Variants in DLC1 observed in about 807,000 individuals in gnomAD.
DLC1 encodes DLC1 Rho GTPase activating protein, also known as rho GTPase-activating protein 7.
In DLC1, 54 loss-of-function variants were observed where a neutral mutation model predicts 140.3. That is an observed-to-expected ratio of 0.38 (90% CI 0.31 to 0.48). The LOEUF (loss-of-function observed/expected upper bound fraction) is 0.48, where lower values mean the gene tolerates loss of function less well. Among genes scored for constraint, DLC1 ranks in the 20% least tolerant of loss-of-function variants. DLC1 has a pLI of 0.96. For missense variants in DLC1, 2,536 were observed against 1,907.0 expected, an observed-to-expected ratio of 1.33 and a Z score of -6.14; for synonymous variants, 986 against 728.1, an observed-to-expected ratio of 1.35 and a Z score of -5.70.
At chr8:13,505,963 C>G (rs554027781) in intron 1 of DLC1, among the ~76,000 whole-genome samples, 9 of 152,196 alleles carry the variant, frequency 5.9e-5, no homozygotes, top group African/African-American at 2.2e-4. Context: ...ATCCCTCACT[C>G]ACAGTACTTG....
rs2280335 is a variant in DLC1 at position 13,102,772 on chromosome 8, T to C, written c.1566+18A>G. The C allele has an allele frequency of 0.47, 749,337 of 1,606,534 alleles. 183,640 individuals carry two copies. The highest frequency in any genetic ancestry group is 0.53 in the Middle Eastern group (3,191 of 6,040). On this transcript the variant is annotated intron_variant, in intron 8 of 17. Transcript: ENST00000276297. ...GCCCCTTTTCCCCCTCATTCTATTA[T>C]GCAATTTGTATACTCACTCGTTTCC...
At chr8:13,258,678 A>G (rs1586020630) in intron 5 of DLC1, among the ~76,000 whole-genome samples, 1 of 152,330 alleles carries the variant, frequency 6.6e-6, no homozygotes, top group Admixed American at 6.5e-5. Flanking sequence ...CAAAGTATCA[A>G]TGGCCTATGT....
intron 1 of DLC1, among the ~76,000 whole-genome samples, chr8:13,569,756 C>G (rs1267175295): frequency 2.6e-5 from 4 of 152,214 alleles, no homozygotes; most frequent in Non-Finnish European, 4.4e-5. Flanking sequence ...GGGTCTGGCT[C>G]TATCACCCAG....
chr8:13,314,013 A>T (rs1232699160), intron 4 of DLC1, among the ~76,000 whole-genome samples: 1 of 152,094 alleles, frequency 6.6e-6, no homozygotes, highest in Non-Finnish European at 1.5e-5. Context: ...ACCTGAGGGC[A>T]TAAGTGGAAG....
chr8:13,482,235 C>T (rs1800770145), intron 2 of DLC1, among the ~76,000 whole-genome samples: 1 of 152,078 alleles, frequency 6.6e-6, no homozygotes, highest in Non-Finnish European at 1.5e-5. Context: ...GAAGTAATAT[C>T]ATTAATTAAT....
rs190482662 is a variant in DLC1 at position 13,162,511 on chromosome 8, C to T, written c.1349-46854G>A. Reference sequence around the variant, plus strand: ...CTAATTTTTATATTTTTAGTAGAGACGGGGTTTCACCATGTTGGCCAGGCT... The same window carrying T: ...CTAATTTTTATATTTTTAGTAGAGATGGGGTTTCACCATGTTGGCCAGGCT... On this transcript the variant is annotated intron_variant, in intron 5 of 17. Transcript: ENST00000276297. Among the ~76,000 whole-genome samples, 493 of 152,244 alleles carry T rather than the reference C, an allele frequency of 3.2e-3. 4 individuals carry two copies. Among genetic ancestry groups the T allele is most frequent in the African/African-American group, 0.011 (465 of 41,560 alleles).
At chr8:13,114,114 C>A (rs965242620) in intron 6 of DLC1, among the ~76,000 whole-genome samples, 3 of 152,230 alleles carry the variant, frequency 2.0e-5, no homozygotes, top group Non-Finnish European at 4.4e-5. Context: ...GTAATCCCAG[C>A]ACTTTGGGAG....
intron 5 of DLC1, among the ~76,000 whole-genome samples, chr8:13,211,457 A>T (rs1473655627): frequency 1.3e-5 from 2 of 152,164 alleles, no homozygotes; most frequent in African/African-American, 4.8e-5. Flanking sequence ...CTGTCAGCTC[A>T]CACTTGCATT....
chr8:13,488,271 A>G (rs1446650797), intron 2 of DLC1, among the ~76,000 whole-genome samples: 1 of 152,204 alleles, frequency 6.6e-6, no homozygotes, highest in Non-Finnish European at 1.5e-5. Context: ...TAGTTGAACC[A>G]TTTTGTTAAT....
At chr8:13,109,903 A>C (rs1819931541) in intron 7 of DLC1, among the ~76,000 whole-genome samples, 1 of 152,118 alleles carries the variant, frequency 6.6e-6, no homozygotes, top group African/African-American at 2.4e-5. Flanking sequence ...CAGAAACAAA[A>C]ACAGAAACAA....
intron 5 of DLC1, among the ~76,000 whole-genome samples, chr8:13,203,559 A>G (rs972513688): frequency 2.0e-5 from 3 of 152,184 alleles, no homozygotes; most frequent in Non-Finnish European, 4.4e-5. Flanking sequence ...TGTCTGAACT[A>G]TGCATCTGGT....
intron 2 of DLC1, among the ~76,000 whole-genome samples, chr8:13,467,761 T>A (rs1800005976): frequency 6.6e-6 from 1 of 152,176 alleles, no homozygotes; most frequent in Non-Finnish European, 1.5e-5. Context: ...AGATGTCAAC[T>A]TTTTCCAAAT....
rs117299040 is a variant in DLC1 at position 13,426,783 on chromosome 8, A to T, written c.1024-25164T>A. Among the ~76,000 whole-genome samples the T allele has an allele frequency of 7.2e-3, 982 of 136,074 alleles. 12 individuals are homozygous for T. The highest frequency in any genetic ancestry group is 0.023 in the African/African-American group (862 of 38,238). 89.3% of individuals were successfully genotyped at this position (136,074 alleles called of 152,430 possible). ...TAGTCCCATTGCCTCGTTCTTATAT[A>T]TATATTTTTCCTTCTCTTCTTTAAA... On this transcript the variant is annotated intron_variant, in intron 2 of 17. Transcript: ENST00000276297.
chr8:13,564,441 T>C (rs1401631564), intron 1 of DLC1, among the ~76,000 whole-genome samples: 1 of 152,224 alleles, frequency 6.6e-6, no homozygotes, highest in Admixed American at 6.5e-5. Flanking sequence ...AGCACAGCGT[T>C]ACTTGAGAAG....
chr8:13,559,296 C>T (rs747960487), intron 1 of DLC1: 1 of 152,242 alleles, frequency 6.6e-6, no homozygotes, highest in Non-Finnish European at 1.5e-5. Context: ...TTTCAGCCTC[C>T]TGGGTTGACA....
intron 5 of DLC1, among the ~76,000 whole-genome samples, chr8:13,265,914 A>G (rs944758754): frequency 6.6e-6 from 1 of 152,210 alleles, no homozygotes; most frequent in Admixed American, 6.5e-5. Flanking sequence ...TGCAAAGGGC[A>G]TTTACAATGG....
At chr8:13,093,238 T>C (rs1484972194) in intron 12 of DLC1, among the ~76,000 whole-genome samples, 1 of 152,148 alleles carries the variant, frequency 6.6e-6, no homozygotes, top group African/African-American at 2.4e-5. Flanking sequence ...ATCTGAGATA[T>C]GTACAAGAAC....
chr8:13,235,778 G>C (rs1829249209), intron 5 of DLC1, among the ~76,000 whole-genome samples: 1 of 151,880 alleles, frequency 6.6e-6, no homozygotes, highest in Non-Finnish European at 1.5e-5. Context: ...AGTTAATTTG[G>C]ACAAATTGCC....
At chr8:13,469,456 T>G (rs61005748) in intron 2 of DLC1, among the ~76,000 whole-genome samples, 52,595 of 152,038 alleles carry the variant, frequency 0.35, 9,468 homozygotes, top group Middle Eastern at 0.48. Flanking sequence ...TTGCTTATTT[T>G]TCAGGGCTTC....
Sources: gnomAD v4.1 joint callset for allele counts (sites outside exome capture counted in the v4.1 genomes callset) on GRCh38, gnomAD v4.1.1 for gene constraint, MANE v1.5 for transcripts, NCBI Gene and HGNC (gene_info 2026-07-23, HGNC 2026-07-21) for gene names.